Variants in CLSTN2 observed in about 807,000 individuals in gnomAD.
The protein encoded by CLSTN2 is calsyntenin 2, also known as calsyntenin-2.
In CLSTN2, 48 loss-of-function variants were observed where a neutral mutation model predicts 101.2. That is an observed-to-expected ratio of 0.47 (90% CI 0.38 to 0.60). The LOEUF is 0.60. Among genes scored for constraint, CLSTN2 ranks in the 20% least tolerant of loss-of-function variants. The pLI, the probability that CLSTN2 is intolerant of heterozygous loss-of-function variation, is 0.00. For synonymous variants in CLSTN2, 481 were observed against 463.6 expected (o/e 1.04, Z -0.48); for missense variants, 1,160 against 1,238.2 (o/e 0.94, Z 0.95).
intron 11 of CLSTN2, 34 bp downstream of exon 11, chr3:140,556,695 A>G: frequency 6.2e-7 from 1 of 1,604,476 alleles, no homozygotes; most frequent in Non-Finnish European, 8.5e-7. Flanking sequence ...GGGCCAACTG[A>G]GGCAGCAGTT....
At chr3:139,960,539 G>C (rs1263945925) in intron 1 of CLSTN2, among the ~76,000 whole-genome samples, 1 of 152,194 alleles carries the variant, frequency 6.6e-6, no homozygotes, top group Non-Finnish European at 1.5e-5. Flanking sequence ...TCTCCTCCAA[G>C]GCCTAGCACT....
chr3:140,501,043 C>T (rs1024214144), intron 8 of CLSTN2, among the ~76,000 whole-genome samples: 1 of 152,132 alleles, frequency 6.6e-6, no homozygotes, highest in East Asian at 1.9e-4. Context: ...GAACCCCTGA[C>T]ACTGTTTAAT....
intron 2 of CLSTN2, among the ~76,000 whole-genome samples, chr3:140,353,220 A>AATATATATATGTATGTTTACACATATAT (rs1553735412): frequency 1.2e-4 from 18 of 144,184 alleles, no homozygotes; most frequent in Non-Finnish European, 2.0e-4. Context: ...CAACTAATGG[A>AATATATATATGTATGTTTACACATATAT]ATATATATAT....
intron 1 of CLSTN2, among the ~76,000 whole-genome samples, chr3:140,080,245 C>A (rs1336950601): frequency 6.6e-6 from 1 of 152,158 alleles, no homozygotes; most frequent in Non-Finnish European, 1.5e-5. Flanking sequence ...AGCTGGGCCT[C>A]CCTCCATCAG....
At position 140,576,313 on chromosome 3, in the gene CLSTN2, C is replaced by T. The variant is rs749759004; in HGVS notation, c.*10060C>T. On this transcript the variant is annotated 3_prime_UTR_variant, in exon 17 of 17. Transcript: ENST00000458420. The stretch of plus-strand genomic sequence containing the variant: ...CTGTTTCTACAAGCTAAAGTTGTAG[C>T]TTCTCTCTACCACTGTCTAAAGCTG... 3 of 152,210 alleles carry T rather than the reference C, an allele frequency of 2.0e-5. No individual in the cohort carries two copies. The highest frequency in any genetic ancestry group is 2.9e-5 in the Non-Finnish European group (2 of 68,034). 9.4% of individuals were successfully genotyped at this position (152,210 alleles called of 1,614,324 possible). A position where few individuals can be genotyped will look rare whatever the true frequency, so the allele number is the denominator to read the frequency against.
chr3:140,464,251 G>A (rs371738862), intron 7 of CLSTN2, among the ~76,000 whole-genome samples: 2 of 152,186 alleles, frequency 1.3e-5, no homozygotes, highest in Non-Finnish European at 2.9e-5. Context: ...ATCTTACCCC[G>A]TCCTTTCCCT....
At chr3:140,437,601 G>A (rs1042280774) in intron 5 of CLSTN2, among the ~76,000 whole-genome samples, 2 of 152,144 alleles carry the variant, frequency 1.3e-5, no homozygotes, top group Admixed American at 6.5e-5. Context: ...ACTTGCCAAC[G>A]GGAGCCCTCT....
At chr3:140,448,270 CAT>C (rs1933144083) in intron 5 of CLSTN2, among the ~76,000 whole-genome samples, 1 of 151,846 alleles carries the variant, frequency 6.6e-6, no homozygotes. Context: ...CGTGCCTGCA[CAT>C]GTTTTGTGTA....
intron 1 of CLSTN2, among the ~76,000 whole-genome samples, chr3:140,160,268 C>A (rs1449085561): frequency 6.6e-6 from 1 of 152,040 alleles, no homozygotes; most frequent in Non-Finnish European, 1.5e-5. Context: ...CACTGACATA[C>A]AGAACATTCA....
chr3:140,446,104 G>A (rs183413351), intron 5 of CLSTN2, among the ~76,000 whole-genome samples: 1 of 152,262 alleles, frequency 6.6e-6, no homozygotes, highest in Non-Finnish European at 1.5e-5. Context: ...AGCTGGCCAT[G>A]TGTGTGGAGG....
At chr3:139,981,273 A>G (rs984865020) in intron 1 of CLSTN2, among the ~76,000 whole-genome samples, 2 of 152,192 alleles carry the variant, frequency 1.3e-5, no homozygotes, top group African/African-American at 4.8e-5. Context: ...ATATTTTAAA[A>G]TCCTTTTGAG....
At chr3:140,245,209 A>T (rs2107871196) in intron 2 of CLSTN2, among the ~76,000 whole-genome samples, 1 of 152,360 alleles carries the variant, frequency 6.6e-6, no homozygotes, top group East Asian at 1.9e-4. Context: ...TATTGAAGGA[A>T]TGCCTACTGA....
rs1041464892 is a variant in CLSTN2 at position 140,570,546 on chromosome 3, G to A, written c.*4293G>A. 6 of 152,246 alleles carry A rather than the reference G, an allele frequency of 3.9e-5. No individual in the cohort carries two copies. The highest frequency in any genetic ancestry group is 7.2e-5 in the African/African-American group (3 of 41,542). The allele number at this position is 152,246 out of a possible 1,614,324, so 9.4% of individuals were successfully genotyped here. A position where few individuals can be genotyped will look rare whatever the true frequency, so the allele number is the denominator to read the frequency against. On this transcript the variant is annotated 3_prime_UTR_variant, in exon 17 of 17. Coordinates refer to ENST00000458420, the MANE Select transcript of CLSTN2 (RefSeq NM_022131.3). ...CCCCTACAGATACTGAGGGATGACT[G>A]TACTCAGCTCTCCTATTGTAGCATG... is the stretch of plus-strand genomic sequence containing the variant.
At chr3:140,178,720 TA>T (rs1388711181) in intron 2 of CLSTN2, among the ~76,000 whole-genome samples, 3 of 152,324 alleles carry the variant, frequency 2.0e-5, no homozygotes, top group Non-Finnish European at 4.4e-5. Context: ...ACATTTATCT[TA>T]AAAAGAAAAT....
chr3:140,269,265 A>G (rs1261738199), intron 2 of CLSTN2, among the ~76,000 whole-genome samples: 2 of 152,244 alleles, frequency 1.3e-5, no homozygotes, highest in South Asian at 4.1e-4. Context: ...GACATAGAAA[A>G]TAAACACTCA....
intron 6 of CLSTN2, among the ~76,000 whole-genome samples, chr3:140,457,578 T>C (rs950482114): frequency 6.6e-6 from 1 of 152,182 alleles, no homozygotes; most frequent in Non-Finnish European, 1.5e-5. Flanking sequence ...ATTAAAACAT[T>C]TGTATAAATT....
rs544206749 is a variant in CLSTN2, at chr3:140,524,118, T to A, written c.1345-8206T>A. On this transcript the variant is annotated intron_variant, in intron 8 of 16. Transcript: ENST00000458420. ...GGGAATTCAAAAGCAATGGCAGTATTCTGGCTTGGATAACAGATTGCATGA... is the reference window on the plus strand; with the variant it reads ...GGGAATTCAAAAGCAATGGCAGTATACTGGCTTGGATAACAGATTGCATGA... 2.6e-5 allele frequency among the ~76,000 whole-genome samples: 4 copies of A among 152,302 alleles called. No individual in the cohort carries two copies. In the East Asian group the frequency reaches 7.7e-4, roughly 29 times the overall value.
chr3:140,535,629 C>G (rs548935404), intron 9 of CLSTN2, among the ~76,000 whole-genome samples: 61 of 152,274 alleles, frequency 4.0e-4, no homozygotes, highest in African/African-American at 1.4e-3. Context: ...AGCAGAAGTG[C>G]CTTATGTTGT....
intron 2 of CLSTN2, among the ~76,000 whole-genome samples, chr3:140,278,712 CT>C (rs1230884881): frequency 6.6e-6 from 1 of 152,160 alleles, no homozygotes; most frequent in East Asian, 1.9e-4. Context: ...TGCCAGTTCC[CT>C]TAAAGGTGTT....
Sources: gnomAD v4.1 joint callset for allele counts (sites outside exome capture counted in the v4.1 genomes callset) on GRCh38, gnomAD v4.1.1 for gene constraint, MANE v1.5 for transcripts, NCBI Gene and HGNC (gene_info 2026-07-23, HGNC 2026-07-21) for gene names.